TIMM17A: variants seen among roughly 807,000 people sequenced by gnomAD.
The protein encoded by TIMM17A is mitochondrial import inner membrane translocase subunit Tim17-A.
TIMM17A carries 15 observed loss-of-function variants against 26.5 expected under a neutral mutation model. That is an observed-to-expected ratio of 0.57 (90% CI 0.38 to 0.87). TIMM17A has a LOEUF of 0.87. Ranked by LOEUF, TIMM17A falls within the 40% of genes least tolerant of loss-of-function variation. TIMM17A has a pLI of 0.00. For missense variants in TIMM17A, 201 were observed against 210.0 expected (o/e 0.96, Z 0.27); for synonymous variants, 80 against 70.8 (o/e 1.13, Z -0.66).
intron 5 of TIMM17A, among the ~76,000 whole-genome samples, chr1:201,968,882 CTTTT>C (rs34417220): frequency 2.1e-5 from 3 of 144,408 alleles, no homozygotes; most frequent in Admixed American, 7.0e-5. Context: ...CCCTAAAAGT[CTTTT>C]TTTTTTTTTT....
chr1:201,969,373 T>C, intron 5 of TIMM17A, 96 bp from the exon 6 acceptor site: 1 of 970,814 alleles, frequency 1.0e-6, no homozygotes, highest in South Asian at 1.5e-5. Flanking sequence ...AGCACATTTT[T>C]TTGTTGTTGA....
At chr1:201,955,986 G>A (rs528212912) in intron 1 of TIMM17A, among the ~76,000 whole-genome samples, 1 of 152,170 alleles carries the variant, frequency 6.6e-6, no homozygotes, top group Non-Finnish European at 1.5e-5. Flanking sequence ...TGTCATTCTT[G>A]AGGTTTTACT....
intron 4 of TIMM17A, among the ~76,000 whole-genome samples, chr1:201,964,233 G>A (rs1381555916): frequency 1.3e-5 from 2 of 152,182 alleles, no homozygotes; most frequent in African/African-American, 4.8e-5. Context: ...ATATATTACA[G>A]TGGTTGAGAG....
chr1:201,964,635 CTTTTTTTTT>C (rs570309464), intron 4 of TIMM17A, among the ~76,000 whole-genome samples: 115 of 90,928 alleles, frequency 1.3e-3, no homozygotes, highest in African/African-American at 5.6e-3. Flanking sequence ...TATTTTATTT[CTTTTTTTTT>C]TTTTTTTTTT....
At chr1:201,956,890 A>G (rs1682421535) in intron 1 of TIMM17A, among the ~76,000 whole-genome samples, 1 of 144,108 alleles carries the variant, frequency 6.9e-6, no homozygotes, top group African/African-American at 2.5e-5. Context: ...CAGGAGACGG[A>G]GGTTGCAGTG....
intron 5 of TIMM17A, 63 bp downstream of exon 5, chr1:201,965,606 A>G (rs1468770341): frequency 1.9e-6 from 2 of 1,053,670 alleles, no homozygotes; most frequent in Non-Finnish European, 3.0e-6. Context: ...ATGTTAAGAA[A>G]GAACATACTT....
chr1:201,965,771 A>G (rs949782804), intron 5 of TIMM17A, among the ~76,000 whole-genome samples: 2 of 152,350 alleles, frequency 1.3e-5, no homozygotes, highest in Admixed American at 6.5e-5. Context: ...AGGGTTTATC[A>G]GTGCTCATGT....
intron 3 of TIMM17A, among the ~76,000 whole-genome samples, chr1:201,961,067 T>TTTC (rs2102942896): frequency 1.9e-5 from 1 of 53,644 alleles, no homozygotes; most frequent in African/African-American, 6.9e-5. Context: ...TTATATTTTC[T>TTTC]TTTTTTTTTT....
chr1:201,968,882 CTTT>C (rs34417220), intron 5 of TIMM17A, among the ~76,000 whole-genome samples: 1 of 144,408 alleles, frequency 6.9e-6, no homozygotes, highest in African/African-American at 2.6e-5. Flanking sequence ...CCCTAAAAGT[CTTT>C]TTTTTTTTTT....
At chr1:201,959,748 G>C (rs1343605306) in intron 3 of TIMM17A, among the ~76,000 whole-genome samples, 1 of 151,244 alleles carries the variant, frequency 6.6e-6, no homozygotes, top group South Asian at 2.1e-4. Flanking sequence ...GCCGAGGCAG[G>C]TGGATCACAA....
In TIMM17A at chr1:201,969,668, G is replaced by A. The variant is rs542090764; in HGVS notation, c.*114G>A. ...TAGGTGGGACAGCTATGGCCAATAGGCTATAAAGAGACATTTAGCACTTTT... is the reference window on the plus strand; with the variant it reads ...TAGGTGGGACAGCTATGGCCAATAGACTATAAAGAGACATTTAGCACTTTT... On this transcript the variant is annotated 3_prime_UTR_variant, in exon 6 of 6. Coordinates refer to ENST00000367287, the MANE Select transcript of TIMM17A (RefSeq NM_006335.3). The A allele has an allele frequency of 6.4e-6, 5 of 785,798 alleles. No individual in the cohort carries two copies. The South Asian group carries it at 8.8e-5, about 14-fold the overall frequency. 48.7% of individuals were successfully genotyped at this position (785,798 alleles called of 1,614,324 possible).
chr1:201,969,257 A>G (rs1231680181), intron 5 of TIMM17A, among the ~76,000 whole-genome samples: 2 of 152,194 alleles, frequency 1.3e-5, no homozygotes, highest in East Asian at 3.8e-4. Flanking sequence ...ATTCTGGAGC[A>G]TAGCAAGCCA....
chr1:201,965,386 A>C, intron 4 of TIMM17A, 47 bp from the exon 5 acceptor site: 1 of 1,333,334 alleles, frequency 7.5e-7, no homozygotes, highest in Non-Finnish European at 1.1e-6. Flanking sequence ...TCTTACAGTA[A>C]ACTAGATTTC....
chr1:201,963,586 A>G (rs1237440580), intron 3 of TIMM17A, 30 bp from the exon 4 acceptor site: 1 of 1,587,094 alleles, frequency 6.3e-7, no homozygotes, highest in Non-Finnish European at 8.5e-7. Context: ...TTAAATTAGT[A>G]TTTGCTTGTT....
chr1:201,964,883 C>T (rs1341493108), intron 4 of TIMM17A, among the ~76,000 whole-genome samples: 1 of 151,518 alleles, frequency 6.6e-6, no homozygotes, highest in Non-Finnish European at 1.5e-5. Context: ...CTCCTGACCT[C>T]GTAATCCACC....
At position 201,969,803 on chromosome 1, in the gene TIMM17A, ATACAG is replaced by A. The variant is rs2102947773; in HGVS notation, c.*252_*256del. 3.2e-6 allele frequency: 1 copy of A among 308,556 alleles called. No homozygotes were observed. The highest frequency in any genetic ancestry group is 4.9e-5 in the Admixed American group (1 of 20,474). 19.1% of individuals were successfully genotyped at this position (308,556 alleles called of 1,614,324 possible). On this transcript the variant is annotated 3_prime_UTR_variant, in exon 6 of 6. Coordinates refer to ENST00000367287, the MANE Select transcript of TIMM17A (RefSeq NM_006335.3). ...TAAATGTTTAAATCGCTAAAGGAAA[ATACAG>A]TAAGTGCTTGAAAGATGAAGGACCA...
chr1:201,960,694 T>C (rs1201098676), intron 3 of TIMM17A, among the ~76,000 whole-genome samples: 1 of 152,168 alleles, frequency 6.6e-6, no homozygotes, highest in Non-Finnish European at 1.5e-5. Flanking sequence ...GGTATTCAGA[T>C]CAAGGTGCAG....
chr1:201,957,307 G>A lies in TIMM17A; in HGVS notation c.53G>A (p.Gly18Asp). 1.2e-6 allele frequency: 2 copies of A among 1,613,618 alleles called. No homozygotes were observed. Among genetic ancestry groups the A allele is most frequent in the Non-Finnish European group, 1.7e-6 (2 of 1,179,600 alleles). Residue 18 changes from glycine (G) to aspartate (D), a missense_variant, in exon 2 of 6, where the codon GGT becomes GAT. By Grantham distance (94) the Gly-to-Asp change is moderately conservative (BLOSUM62 -1). Coordinates refer to ENST00000367287, the MANE Select transcript of TIMM17A (RefSeq NM_006335.3). ...PCPWRIVDDC[G>D]GAFTMGTIGG... Reference sequence around the variant, plus strand: ...CCATGGCGAATTGTGGATGACTGTGGTGGGGCCTTTACGATGGGTACCATT... The same window carrying A: ...CCATGGCGAATTGTGGATGACTGTGATGGGGCCTTTACGATGGGTACCATT...
rs1268525533 is a variant in TIMM17A at position 201,965,489 on chromosome 1, A to G, written c.376A>G (p.Ile126Val). 3 of 1,614,118 alleles carry G rather than the reference A, an allele frequency of 1.9e-6. No individual in the cohort carries two copies. The highest frequency in any genetic ancestry group is 1.7e-6 in the Non-Finnish European group (2 of 1,180,040). ...AATGGGTGGCATTCTCCTAGCTTTA[A>G]TTGAAGGAGCTGGTATCTTGTTGAC... ...AAMGGILLAL[I>V]EGAGILLTRF... Residue 126 changes from isoleucine to valine, a missense_variant, in exon 5 of 6, where the codon ATT (isoleucine) becomes GTT (valine). Physicochemically the swap from Ile to Val is conservative, Grantham distance 29 (BLOSUM62 3). Transcript: ENST00000367287.
Sources: gnomAD v4.1 joint callset for allele counts (sites outside exome capture counted in the v4.1 genomes callset) on GRCh38, gnomAD v4.1.1 for gene constraint, MANE v1.5 for transcripts, NCBI Gene and HGNC (gene_info 2026-07-23, HGNC 2026-07-21) for gene names.